EIF3D: variants seen among roughly 807,000 people sequenced by gnomAD.
The protein encoded by EIF3D is eukaryotic translation initiation factor 3 subunit D.
In EIF3D, 10 loss-of-function variants were observed where a neutral mutation model predicts 75.4. The observed-to-expected ratio is 0.13, with a 90% confidence interval of 0.08 to 0.22. EIF3D has a LOEUF of 0.22. Ranked by LOEUF, EIF3D falls within the 10% of genes least tolerant of loss-of-function variation. The probability of loss-of-function intolerance (pLI) is 1.00; values close to 1 mark genes in which losing one functional copy is unlikely to be tolerated. For synonymous variants in EIF3D, 246 were observed against 248.3 expected, an observed-to-expected ratio of 0.99 and a Z score of 0.09; for missense variants, 394 against 708.0, an observed-to-expected ratio of 0.56 and a Z score of 5.03.
chr22:36,518,109 T>A (rs1187653095), intron 9 of EIF3D, among the ~76,000 whole-genome samples: 1 of 152,118 alleles, frequency 6.6e-6, no homozygotes, highest in Non-Finnish European at 1.5e-5. Flanking sequence ...CATATATGTA[T>A]GGTATAAAAA....
In EIF3D at chr22:36,518,905, T is replaced by C. The variant is rs982657597; in HGVS notation, c.717A>G (p.Ala239=). 3.1e-6 allele frequency: 5 copies of C among 1,613,984 alleles called. No homozygotes were observed. In the Admixed American group the frequency reaches 6.7e-5, roughly 22 times the overall value. Residue 239 remains alanine, a synonymous_variant, in exon 9 of 15, where the codon GCA becomes GCG. Coordinates refer to ENST00000216190, the MANE Select transcript of EIF3D (RefSeq NM_003753.4). ...TGGCAAACACATTCCCCTGAGTTTTTGCCAGCTGCAAAGAGGATCAAAGAG... is the reference window on the plus strand; with the variant it reads ...TGGCAAACACATTCCCCTGAGTTTTCGCCAGCTGCAAAGAGGATCAAAGAG... ...TTDDPVIRKL[A]KTQGNVFATD...
At chr22:36,513,165 C>A (rs974082590) in intron 12 of EIF3D, among the ~76,000 whole-genome samples, 1 of 151,906 alleles carries the variant, frequency 6.6e-6, no homozygotes, top group African/African-American at 2.4e-5. Flanking sequence ...TCTTTTCTAC[C>A]CATATCATTT....
At chr22:36,511,894 CT>C (rs3076235) in intron 13 of EIF3D, 108 bp from the exon 14 acceptor site, 24,293 of 1,240,022 alleles carry the variant, frequency 0.02, no homozygotes, top group East Asian at 0.077. Context: ...GCTATTTTTT[CT>C]TTTTTTTTTT....
Position 36,518,510 on chromosome 22 carries a change from C to A in EIF3D, c.859+253G>T, listed in dbSNP as rs770389991. Among the ~76,000 whole-genome samples, 1,010 of 132,890 alleles carry A rather than the reference C, an allele frequency of 7.6e-3. 2 individuals are homozygous for A. The highest frequency in any genetic ancestry group is 0.015 in the Middle Eastern group (4 of 266). 87.2% of individuals were successfully genotyped at this position (132,890 alleles called of 152,430 possible). A position where few individuals can be genotyped will look rare whatever the true frequency, so the allele number is the denominator to read the frequency against. On this transcript the variant is annotated intron_variant, in intron 9 of 14. Transcript: ENST00000216190. ...TGTCTCAATTAAAAAAAAAAAAAAA[C>A]AACAAAAAAGCAACATTTGGAAGCT...
intron 3 of EIF3D, 91 bp downstream of exon 3, chr22:36,525,573 C>T: frequency 1.5e-6 from 2 of 1,372,916 alleles, no homozygotes; most frequent in African/African-American, 2.9e-5. Context: ...AGTTTCTTCC[C>T]ATTCTAAAAA....
At chr22:36,514,912 C>A (rs1934399287) in intron 12 of EIF3D, among the ~76,000 whole-genome samples, 1 of 152,196 alleles carries the variant, frequency 6.6e-6, no homozygotes, top group South Asian at 2.1e-4. Context: ...GGGCAGACTT[C>A]CCCCTTTGGC....
At chr22:36,512,641 C>CAAATGCCCAAGGTGCTGGGA (rs1934358267) in intron 12 of EIF3D, 39 bp from the exon 13 acceptor site, 1 of 1,593,022 alleles carries the variant, frequency 6.3e-7, no homozygotes, top group Non-Finnish European at 8.6e-7. Context: ...AAGCAAGCTC[C>CAAATGCCCAAGGTGCTGGGA]AAATGCCCAA....
At chr22:36,512,715 G>T in intron 12 of EIF3D, 113 bp from the exon 13 acceptor site, 1 of 1,236,354 alleles carries the variant, frequency 8.1e-7, no homozygotes, top group Non-Finnish European at 1.1e-6. Flanking sequence ...AAGTGGGTAG[G>T]TACGCACTAA....
At chr22:36,525,867 G>C in intron 2 of EIF3D, 132 bp downstream of exon 2, 1 of 1,474,400 alleles carries the variant, frequency 6.8e-7, no homozygotes, top group Non-Finnish European at 9.2e-7. Flanking sequence ...TACACCCAGA[G>C]ATAACCTTTC....
In EIF3D at chr22:36,511,414, T is replaced by A. The variant is rs973403375; in HGVS notation, c.1633+89A>T. The A allele has an allele frequency of 5.2e-6, 8 of 1,551,408 alleles. No homozygotes were observed. In the African/African-American group the frequency reaches 1.1e-4, roughly 21 times the overall value. ...GTCTCAGGGAATTCTCGAAGTTTTA[T>A]CAAGGTTAAAGATCACAATGGCTAC... On this transcript the variant is annotated intron_variant, in intron 14 of 14. Transcript: ENST00000216190.
At chr22:36,511,850 C>A in intron 13 of EIF3D, 64 bp from the exon 14 acceptor site, 2 of 1,563,618 alleles carry the variant, frequency 1.3e-6, no homozygotes, top group South Asian at 1.1e-5. Context: ...CACTTGGGAT[C>A]AAATGTCAAT....
At chr22:36,527,427 G>A (rs914234217) in intron 1 of EIF3D, among the ~76,000 whole-genome samples, 2 of 152,180 alleles carry the variant, frequency 1.3e-5, no homozygotes, top group Non-Finnish European at 2.9e-5. Flanking sequence ...TTAAAAAACC[G>A]GCGCTGTATA....
At chr22:36,511,144 G>A in intron 14 of EIF3D, 144 bp from the exon 15 acceptor site, 2 of 1,062,724 alleles carry the variant, frequency 1.9e-6, no homozygotes, top group South Asian at 1.8e-5. Context: ...CACAGGGCTG[G>A]GCAGGTATTT....
In EIF3D at chr22:36,511,806, C is replaced by T; in HGVS notation, c.1350-20G>A. ...ACATAACTAACAGGGGAAGGGATATCAGTGGTCAGAGCAGGGCAGCACAGA... is the reference window on the plus strand; with the variant it reads ...ACATAACTAACAGGGGAAGGGATATTAGTGGTCAGAGCAGGGCAGCACAGA... On this transcript the variant is annotated intron_variant, in intron 13 of 14. Transcript: ENST00000216190. 6.2e-7 allele frequency: 1 copy of T among 1,608,298 alleles called. No homozygotes were observed. The highest frequency in any genetic ancestry group is 8.5e-7 in the Non-Finnish European group (1 of 1,176,128).
intron 14 of EIF3D, chr22:36,511,250 G>C (rs1422616370): frequency 8.4e-6 from 7 of 831,374 alleles, no homozygotes; most frequent in Non-Finnish European, 1.3e-5. Context: ...TTCAATCTGG[G>C]ACTTCCCTCA....
At chr22:36,519,633 A>G (rs1373922105) in intron 7 of EIF3D, 96 bp from the exon 8 acceptor site, 1 of 1,547,136 alleles carries the variant, frequency 6.5e-7, no homozygotes, top group Middle Eastern at 1.7e-4. Flanking sequence ...CCAAAAGTCT[A>G]AAAGAGGTGG....
intron 6 of EIF3D, among the ~76,000 whole-genome samples, chr22:36,522,215 G>A (rs531991843): frequency 2.0e-5 from 3 of 152,036 alleles, no homozygotes; most frequent in African/African-American, 7.3e-5. Flanking sequence ...TTAGCCAGGC[G>A]TGGTGGTGCA....
intron 6 of EIF3D, among the ~76,000 whole-genome samples, chr22:36,521,500 A>T (rs994487901): frequency 8.5e-5 from 13 of 152,236 alleles, no homozygotes; most frequent in African/African-American, 3.1e-4. Flanking sequence ...AAGCACACGC[A>T]GGTGAACGTT....
chr22:36,518,008 A>G (rs780504862), intron 9 of EIF3D, among the ~76,000 whole-genome samples: 5 of 151,854 alleles, frequency 3.3e-5, no homozygotes, highest in Non-Finnish European at 7.4e-5. Flanking sequence ...TCGGCCTCCC[A>G]AAGTGGCAGG....
Sources: gnomAD v4.1 joint callset for allele counts (sites outside exome capture counted in the v4.1 genomes callset) on GRCh38, gnomAD v4.1.1 for gene constraint, MANE v1.5 for transcripts, NCBI Gene and HGNC (gene_info 2026-07-23, HGNC 2026-07-21) for gene names.